Variants in HS2ST1 observed in about 807,000 individuals in gnomAD.
HS2ST1 encodes heparan sulfate 2-O-sulfotransferase 1.
In HS2ST1, 18 loss-of-function variants were observed where a neutral mutation model predicts 42.9. That is an observed-to-expected ratio of 0.42 (90% CI 0.29 to 0.62). HS2ST1 has a LOEUF of 0.62. Ranked by LOEUF, HS2ST1 falls within the 20% of genes least tolerant of loss-of-function variation. The pLI is 0.21. For missense variants in HS2ST1, 334 were observed against 433.8 expected, an observed-to-expected ratio of 0.77 and a Z score of 2.04; for synonymous variants, 146 against 152.9, an observed-to-expected ratio of 0.95 and a Z score of 0.33.
At chr1:87,061,037 A>G (rs890610116) in intron 1 of HS2ST1, among the ~76,000 whole-genome samples, 2 of 152,176 alleles carry the variant, frequency 1.3e-5, no homozygotes, top group African/African-American at 4.8e-5. Flanking sequence ...GTTAAGGATT[A>G]ACATATATTT....
chr1:86,985,485 CACAT>C (rs1648748449), intron 1 of HS2ST1, among the ~76,000 whole-genome samples: 1 of 108,298 alleles, frequency 9.2e-6, no homozygotes, highest in East Asian at 3.0e-4. Context: ...CACATATATA[CACAT>C]ATATATACAC....
chr1:87,009,601 A>G (rs538373080), intron 1 of HS2ST1, among the ~76,000 whole-genome samples: 2 of 152,030 alleles, frequency 1.3e-5, no homozygotes, highest in South Asian at 4.2e-4. Context: ...ATAGCAAACA[A>G]CTCCAAAATT....
chr1:86,961,068 G>A (rs978641071), intron 1 of HS2ST1, among the ~76,000 whole-genome samples: 1 of 151,784 alleles, frequency 6.6e-6, no homozygotes, highest in African/African-American at 2.4e-5. Flanking sequence ...ACATCCAGAC[G>A]ATGCAATATT....
chr1:86,931,621 T>A (rs905631607), intron 1 of HS2ST1, among the ~76,000 whole-genome samples: 2 of 152,058 alleles, frequency 1.3e-5, no homozygotes, highest in Non-Finnish European at 1.5e-5. Flanking sequence ...AGAATTGAGT[T>A]AGGATTTTGT....
intron 3 of HS2ST1, among the ~76,000 whole-genome samples, chr1:87,087,022 A>C (rs1232543900): frequency 6.6e-6 from 1 of 152,102 alleles, no homozygotes; most frequent in Non-Finnish European, 1.5e-5. Context: ...AGTAAGTTGC[A>C]GTTCTTGACC....
chr1:87,045,903 C>T, intron 1 of HS2ST1: 3 of 699,748 alleles, frequency 4.3e-6, no homozygotes, highest in Non-Finnish European at 8.1e-6. Flanking sequence ...ACCTTGTGCT[C>T]ACCGGCTTCT....
intron 1 of HS2ST1, among the ~76,000 whole-genome samples, chr1:87,070,915 ACTTGAAC>A (rs1651387859): frequency 6.6e-6 from 1 of 152,106 alleles, no homozygotes; most frequent in African/African-American, 2.4e-5. Flanking sequence ...TCTATCTGCT[ACTTGAAC>A]CTTTATTCTC....
intron 1 of HS2ST1, among the ~76,000 whole-genome samples, chr1:86,937,042 T>C (rs960288270): frequency 2.6e-5 from 4 of 151,468 alleles, no homozygotes; most frequent in Non-Finnish European, 5.9e-5. Context: ...GAGGTGGAGG[T>C]TGCAGTAAGC....
chr1:86,915,304 C>G (rs907257348), intron 1 of HS2ST1, 144 bp downstream of exon 1: 1 of 889,912 alleles, frequency 1.1e-6, no homozygotes, highest in Non-Finnish European at 1.7e-6. Flanking sequence ...CAAGGGGCAG[C>G]GAGAGCACGA....
At chr1:87,044,853 C>T in intron 1 of HS2ST1, 1 of 902,788 alleles carries the variant, frequency 1.1e-6, no homozygotes, top group Non-Finnish European at 1.6e-6. Flanking sequence ...CCCTTTGGAA[C>T]AAAGGACATA....
rs182486459 is a variant in HS2ST1, at chr1:87,015,973, C to T, written c.125-56961C>T. Reference sequence around the variant, plus strand: ...CTGGGATTACAGGCATGCACCACCACGCCCTGATAATTTTTATATTTTTAG... The same window carrying T: ...CTGGGATTACAGGCATGCACCACCATGCCCTGATAATTTTTATATTTTTAG... On this transcript the variant is annotated intron_variant, in intron 1 of 6. Transcript: ENST00000370550. Among the ~76,000 whole-genome samples, 247 of 151,984 alleles carry T rather than the reference C, an allele frequency of 1.6e-3. 1 individual carries two copies. Among genetic ancestry groups the T allele is most frequent in the Middle Eastern group, 3.4e-3 (1 of 294 alleles).
At position 86,992,515 on chromosome 1, in the gene HS2ST1, C is replaced by T. The variant is rs564200123; in HGVS notation, c.124+77355C>T. ...CCGAGTAGCTGGGATTACAGGCATGCGCCACCACGCCTGGCTAATTTTGTA... is the reference window on the plus strand; with the variant it reads ...CCGAGTAGCTGGGATTACAGGCATGTGCCACCACGCCTGGCTAATTTTGTA... On this transcript the variant is annotated intron_variant, in intron 1 of 6. Transcript: ENST00000370550. 1.5e-3 allele frequency among the ~76,000 whole-genome samples: 227 copies of T among 152,000 alleles called. 5 individuals are homozygous for T. The highest frequency in any genetic ancestry group is 4.4e-4 in the Non-Finnish European group (30 of 67,954).
At chr1:86,964,747 G>A (rs914964898) in intron 1 of HS2ST1, among the ~76,000 whole-genome samples, 2 of 152,138 alleles carry the variant, frequency 1.3e-5, no homozygotes, top group Non-Finnish European at 2.9e-5. Context: ...AGACACACAT[G>A]TATATTTATT....
chr1:86,924,474 G>A (rs1660370480), intron 1 of HS2ST1, among the ~76,000 whole-genome samples: 1 of 152,210 alleles, frequency 6.6e-6, no homozygotes, highest in Non-Finnish European at 1.5e-5. Flanking sequence ...CACTGCCCTA[G>A]CAGAGGTTCT....
At chr1:87,071,745 A>T (rs1651412189) in intron 1 of HS2ST1, among the ~76,000 whole-genome samples, 1 of 151,672 alleles carries the variant, frequency 6.6e-6, no homozygotes. Flanking sequence ...AAAAAAAAAA[A>T]AGATGATTTG....
At chr1:87,048,902 T>C (rs1200431536) in intron 1 of HS2ST1, among the ~76,000 whole-genome samples, 4 of 152,160 alleles carry the variant, frequency 2.6e-5, no homozygotes, top group Admixed American at 2.0e-4. Flanking sequence ...ATGTCTGATT[T>C]TGGTATCAAA....
At chr1:87,090,978 A>G (rs997888786) in intron 3 of HS2ST1, among the ~76,000 whole-genome samples, 1 of 151,974 alleles carries the variant, frequency 6.6e-6, no homozygotes, top group Admixed American at 6.6e-5. Context: ...TTTGAATTGT[A>G]TTCTCCCTCA....
At chr1:87,051,984 G>T (rs1170332163) in intron 1 of HS2ST1, among the ~76,000 whole-genome samples, 1 of 152,326 alleles carries the variant, frequency 6.6e-6, no homozygotes, top group African/African-American at 2.4e-5. Flanking sequence ...CAGGTGCAAT[G>T]GTTTACACCT....
Position 87,104,874 on chromosome 1 carries a change from T to C in HS2ST1, c.*178T>C. ...ATACTGGCTGGCATTGTCAGTGTTC[T>C]AAGTTTCAGGCATTTTTATTTTTCC... is the stretch of plus-strand genomic sequence containing the variant. On this transcript the variant is annotated 3_prime_UTR_variant, in exon 7 of 7. Coordinates refer to ENST00000370550, the MANE Select transcript of HS2ST1 (RefSeq NM_012262.4). The C allele has an allele frequency of 1.9e-6, 1 of 536,972 alleles. No individual in the cohort carries two copies. The highest frequency in any genetic ancestry group is 3.3e-6 in the Non-Finnish European group (1 of 304,690). The allele number at this position is 536,972 out of a possible 1,614,324, so 33.3% of individuals were successfully genotyped here.
Sources: gnomAD v4.1 joint callset for allele counts (sites outside exome capture counted in the v4.1 genomes callset) on GRCh38, gnomAD v4.1.1 for gene constraint, MANE v1.5 for transcripts, NCBI Gene and HGNC (gene_info 2026-07-23, HGNC 2026-07-21) for gene names.